Variants in ZNF407 observed in about 807,000 individuals in gnomAD.
The protein encoded by ZNF407 is zinc finger protein 407.
In ZNF407, 17 loss-of-function variants were observed where a neutral mutation model predicts 131.2. The ratio of observed to expected loss-of-function variants is 0.13; its 90% CI spans 0.09 to 0.19. The LOEUF is 0.19. Ranked by LOEUF, ZNF407 falls within the 10% of genes least tolerant of loss-of-function variation. ZNF407 has a pLI of 1.00. For missense variants in ZNF407, 2,681 were observed against 2,830.6 expected, an observed-to-expected ratio of 0.95 and a Z score of 1.20; for synonymous variants, 1,156 against 1,062.0, an observed-to-expected ratio of 1.09 and a Z score of -1.72.
At chr18:74,780,587 A>C (rs1052582516) in intron 3 of ZNF407, among the ~76,000 whole-genome samples, 1 of 152,202 alleles carries the variant, frequency 6.6e-6, no homozygotes, top group Non-Finnish European at 1.5e-5. Context: ...GGACAGCTGT[A>C]ATACATAATT....
chr18:74,705,238 CT>C (rs1967597852), intron 3 of ZNF407, among the ~76,000 whole-genome samples: 1 of 151,242 alleles, frequency 6.6e-6, no homozygotes, highest in African/African-American at 2.4e-5. Context: ...CACTTTTTGT[CT>C]GCTTCTACTT....
At chr18:74,758,155 C>T (rs1397115233) in intron 3 of ZNF407, among the ~76,000 whole-genome samples, 1 of 152,124 alleles carries the variant, frequency 6.6e-6, no homozygotes, top group African/African-American at 2.4e-5. Context: ...GTAGAATTTA[C>T]AGGATTTACA....
At chr18:74,762,755 T>A (rs1292163153) in intron 3 of ZNF407, among the ~76,000 whole-genome samples, 1 of 152,086 alleles carries the variant, frequency 6.6e-6, no homozygotes, top group Middle Eastern at 3.2e-3. Flanking sequence ...TTTTCTTTTT[T>A]GTTGTTGTTG....
At chr18:74,981,310 G>C (rs1225588301) in intron 8 of ZNF407, among the ~76,000 whole-genome samples, 1 of 152,228 alleles carries the variant, frequency 6.6e-6, no homozygotes, top group East Asian at 1.9e-4. Flanking sequence ...CAGCCGGAAA[G>C]TGCGTCTAGG....
chr18:75,064,512 T>A lies in ZNF407; in HGVS notation c.*44T>A. The A allele has an allele frequency of 7.0e-7, 1 of 1,424,918 alleles. No homozygotes were observed. The highest frequency in any genetic ancestry group is 9.3e-7 in the Non-Finnish European group (1 of 1,078,104). The allele number at this position is 1,424,918 out of a possible 1,614,324, so 88.3% of individuals were successfully genotyped here. ...TCAGCACAGGGCAGGTGTGGGAAGG[T>A]CCAGCTTCGGTGGGGGACCGTGTTC... On this transcript the variant is annotated 3_prime_UTR_variant, in exon 9 of 9. Transcript: ENST00000299687.
chr18:74,617,492 A>G (rs1299491589), intron 1 of ZNF407, among the ~76,000 whole-genome samples: 1 of 152,226 alleles, frequency 6.6e-6, no homozygotes, highest in Non-Finnish European at 1.5e-5. Flanking sequence ...ATATACTTTT[A>G]TAAAGCCTTT....
Position 74,703,235 on chromosome 18 carries a change from A to C in ZNF407, c.4802+62113A>C, listed in dbSNP as rs1369666086. Among the ~76,000 whole-genome samples the C allele has an allele frequency of 1.3e-5, 2 of 152,188 alleles. 1 individual carries two copies. The highest frequency in any genetic ancestry group is 4.1e-4 in the South Asian group (2 of 4,834). On this transcript the variant is annotated intron_variant, in intron 3 of 8. Coordinates refer to ENST00000299687, the MANE Select transcript of ZNF407 (RefSeq NM_017757.3). The surrounding 1 kb of genome is among the most constrained non-coding windows in gnomAD (Gnocchi z 4.1). ...AAGAACCTGCCTCATGTCCCACCCA[A>C]CTAGATGTGTAAGGAAAGAGAATTC... is the stretch of plus-strand genomic sequence containing the variant.
intron 8 of ZNF407, among the ~76,000 whole-genome samples, chr18:75,027,468 T>C (rs1302773026): frequency 6.6e-6 from 1 of 152,024 alleles, no homozygotes; most frequent in Non-Finnish European, 1.5e-5. Context: ...AGGCTAAGAG[T>C]GTAGCCATGG....
At chr18:74,886,420 G>GAGGAAATAT (rs1971310324) in intron 6 of ZNF407, among the ~76,000 whole-genome samples, 2 of 152,084 alleles carry the variant, frequency 1.3e-5, no homozygotes, top group African/African-American at 2.4e-5. Flanking sequence ...TTACCCAAGG[G>GAGGAAATAT]ATGTTCATAT....
chr18:74,963,896 C>CGA (rs1220106965), intron 8 of ZNF407, among the ~76,000 whole-genome samples: 1 of 152,190 alleles, frequency 6.6e-6, no homozygotes, highest in Non-Finnish European at 1.5e-5. Context: ...AGCAAAGTGT[C>CGA]TATTTCTTAG....
chr18:74,774,921 T>C (rs1212064030), intron 3 of ZNF407, among the ~76,000 whole-genome samples: 2 of 152,192 alleles, frequency 1.3e-5, no homozygotes, highest in Non-Finnish European at 2.9e-5. Flanking sequence ...ATTAATACAT[T>C]CTTAGTGAGA....
intron 4 of ZNF407, among the ~76,000 whole-genome samples, chr18:74,831,296 A>C (rs191497554): frequency 6.6e-6 from 1 of 152,214 alleles, no homozygotes; most frequent in Non-Finnish European, 1.5e-5. Flanking sequence ...AGCATTTTTC[A>C]GTGTACAGTT....
At chr18:74,966,853 A>G (rs1399894856) in intron 8 of ZNF407, among the ~76,000 whole-genome samples, 1 of 152,154 alleles carries the variant, frequency 6.6e-6, no homozygotes, top group Non-Finnish European at 1.5e-5. Context: ...GTCTTAAAGT[A>G]TTCATTATAG....
intron 8 of ZNF407, among the ~76,000 whole-genome samples, chr18:74,946,819 A>G (rs2145274507): frequency 6.6e-6 from 1 of 152,054 alleles, no homozygotes; most frequent in Middle Eastern, 3.4e-3. Flanking sequence ...TGACAGTCAT[A>G]AGCTTTATCT....
At chr18:74,848,460 A>T (rs1253017868) in intron 4 of ZNF407, among the ~76,000 whole-genome samples, 1 of 152,208 alleles carries the variant, frequency 6.6e-6, no homozygotes, top group Non-Finnish European at 1.5e-5. Flanking sequence ...CTACATGGGC[A>T]TGTGGGCAAG....
At chr18:74,686,625 G>A (rs1398635964) in intron 3 of ZNF407, among the ~76,000 whole-genome samples, 2 of 152,158 alleles carry the variant, frequency 1.3e-5, no homozygotes, top group East Asian at 3.9e-4. Context: ...AAAGGTAAAA[G>A]TTATTAATGT....
chr18:74,952,927 G>A (rs1015622431), intron 8 of ZNF407, among the ~76,000 whole-genome samples: 2 of 152,196 alleles, frequency 1.3e-5, no homozygotes, highest in Non-Finnish European at 2.9e-5. Flanking sequence ...ACTTGGCAGA[G>A]CCGTTGGTGA....
At chr18:74,881,800 T>C (rs192827070) in intron 6 of ZNF407, among the ~76,000 whole-genome samples, 2 of 152,348 alleles carry the variant, frequency 1.3e-5, no homozygotes, top group Admixed American at 1.3e-4. Context: ...AGAACTGTAT[T>C]AGTCCTTTTT....
At chr18:75,007,237 C>G (rs1972921605) in intron 8 of ZNF407, among the ~76,000 whole-genome samples, 2 of 151,918 alleles carry the variant, frequency 1.3e-5, no homozygotes, top group Non-Finnish European at 1.5e-5. Flanking sequence ...TTTCTCTTTT[C>G]TGTTTCTTTT....
Sources: gnomAD v4.1 joint callset for allele counts (sites outside exome capture counted in the v4.1 genomes callset) on GRCh38, gnomAD v4.1.1 for gene constraint, Gnocchi (gnomAD v3.1) non-coding constraint, MANE v1.5 for transcripts, NCBI Gene and HGNC (gene_info 2026-07-23, HGNC 2026-07-21) for gene names.